SPAG16: variants seen among roughly 807,000 people sequenced by gnomAD.
SPAG16 encodes sperm associated antigen 16, also known as sperm-associated antigen 16 protein.
Under a neutral mutation model 80.4 loss-of-function variants are expected in SPAG16, and 86 were observed. That is an observed-to-expected ratio of 1.07 (90% confidence interval 0.90 to 1.28). SPAG16 has a LOEUF of 1.28. Ranked by LOEUF, SPAG16 falls within the 50% of genes most tolerant of loss-of-function variation. SPAG16 has a pLI of 0.00. For missense variants in SPAG16, 870 were observed against 765.3 expected, an observed-to-expected ratio of 1.14 and a Z score of -1.61; for synonymous variants, 294 against 265.9, an observed-to-expected ratio of 1.11 and a Z score of -1.03.
intron 10 of SPAG16, among the ~76,000 whole-genome samples, chr2:213,602,542 G>A (rs752573395): frequency 9.2e-5 from 14 of 152,174 alleles, no homozygotes; most frequent in Non-Finnish European, 1.6e-4. Flanking sequence ...GCTGAGACAG[G>A]AGACTCTCTT....
chr2:213,909,156 A>G (rs1235850056), intron 11 of SPAG16, among the ~76,000 whole-genome samples: 1 of 152,214 alleles, frequency 6.6e-6, no homozygotes, highest in African/African-American at 2.4e-5. Flanking sequence ...AATACTTAGG[A>G]ATCCAACTTA....
chr2:213,745,836 A>T (rs2067796311), intron 10 of SPAG16, among the ~76,000 whole-genome samples: 1 of 152,206 alleles, frequency 6.6e-6, no homozygotes, highest in Non-Finnish European at 1.5e-5. Context: ...AATAAAAGAG[A>T]TTATTTGAAA....
At chr2:213,484,219 T>C (rs2073880675) in intron 9 of SPAG16, among the ~76,000 whole-genome samples, 2 of 152,172 alleles carry the variant, frequency 1.3e-5, no homozygotes, top group Non-Finnish European at 2.9e-5. Flanking sequence ...ACTTGAGGAG[T>C]ACTAAATTAA....
chr2:213,529,149 AT>A (rs1039283399), intron 10 of SPAG16, among the ~76,000 whole-genome samples: 1 of 152,184 alleles, frequency 6.6e-6, no homozygotes, highest in Admixed American at 6.6e-5. Context: ...AAATTTCATT[AT>A]TTTAAGGAAT....
At chr2:214,054,222 C>T (rs778165490) in intron 13 of SPAG16, among the ~76,000 whole-genome samples, 8 of 152,138 alleles carry the variant, frequency 5.3e-5, no homozygotes, top group Non-Finnish European at 1.2e-4. Context: ...ATTGGCCAGG[C>T]TGGTCTCGAA....
At chr2:214,031,289 G>A (rs1164275317) in intron 13 of SPAG16, among the ~76,000 whole-genome samples, 1 of 151,112 alleles carries the variant, frequency 6.6e-6, no homozygotes, top group Non-Finnish European at 1.5e-5. Flanking sequence ...TCCTTTGTAG[G>A]GACATGGATG....
chr2:214,106,244 A>T (rs2053377057), intron 13 of SPAG16, among the ~76,000 whole-genome samples: 1 of 152,144 alleles, frequency 6.6e-6, no homozygotes, highest in Admixed American at 6.6e-5. Flanking sequence ...ATTAACCAAA[A>T]AATTTCTAAG....
intron 15 of SPAG16, among the ~76,000 whole-genome samples, chr2:214,200,693 C>A (rs2057984820): frequency 6.6e-6 from 1 of 151,922 alleles, no homozygotes; most frequent in African/African-American, 2.4e-5. Context: ...AACAAGATCT[C>A]ATAAAATATA....
chr2:213,815,383 A>T (rs554101806), intron 10 of SPAG16, among the ~76,000 whole-genome samples: 1 of 152,212 alleles, frequency 6.6e-6, no homozygotes, highest in Non-Finnish European at 1.5e-5. Flanking sequence ...GTCCTATACT[A>T]TGATTCTAGG....
intron 3 of SPAG16, among the ~76,000 whole-genome samples, chr2:213,303,970 A>G (rs924883066): frequency 1.3e-5 from 2 of 152,102 alleles, no homozygotes; most frequent in Non-Finnish European, 2.9e-5. Flanking sequence ...CCTGTTCTTT[A>G]TAGTGGTTGT....
chr2:213,469,197 T>C (rs2072928239), intron 9 of SPAG16, among the ~76,000 whole-genome samples: 1 of 152,100 alleles, frequency 6.6e-6, no homozygotes, highest in Admixed American at 6.5e-5. Flanking sequence ...CCTGAGATTA[T>C]ACATAATCAA....
At chr2:213,678,118 A>T (rs1484673837) in intron 10 of SPAG16, among the ~76,000 whole-genome samples, 2 of 152,174 alleles carry the variant, frequency 1.3e-5, no homozygotes, top group Non-Finnish European at 2.9e-5. Context: ...CATTCAAAGC[A>T]GTGTGTAGAG....
chr2:213,677,625 T>C (rs1044552042), intron 10 of SPAG16, among the ~76,000 whole-genome samples: 1 of 152,118 alleles, frequency 6.6e-6, no homozygotes, highest in Non-Finnish European at 1.5e-5. Flanking sequence ...AAGCAAGTCC[T>C]GAGTGATCTA....
intron 10 of SPAG16, among the ~76,000 whole-genome samples, chr2:213,718,423 T>A (rs1038291237): frequency 2.0e-5 from 3 of 152,158 alleles, no homozygotes; most frequent in African/African-American, 7.2e-5. Context: ...CCCACTGCAC[T>A]GTGGGAGCCC....
intron 12 of SPAG16, among the ~76,000 whole-genome samples, chr2:213,958,604 C>T (rs1318621368): frequency 6.6e-6 from 1 of 152,098 alleles, no homozygotes; most frequent in Non-Finnish European, 1.5e-5. Context: ...TGCTGATGTT[C>T]CAAAATTATA....
rs148194178 is a variant in SPAG16 at position 214,227,656 on chromosome 2, G to A, written c.1720+78390G>A. Among the ~76,000 whole-genome samples, 18 of 151,044 alleles carry A rather than the reference G, an allele frequency of 1.2e-4. No homozygotes were observed. In the East Asian group the frequency reaches 3.3e-3, roughly 28 times the overall value. ...GAAAATTCTAACTTCCAGTTGAGTA[G>A]CCAGGAATTTTTGCTATTAATAAAT... On this transcript the variant is annotated intron_variant, in intron 15 of 15. Transcript: ENST00000331683.
intron 10 of SPAG16, among the ~76,000 whole-genome samples, chr2:213,645,668 C>T (rs768761453): frequency 6.6e-6 from 1 of 152,106 alleles, no homozygotes; most frequent in Non-Finnish European, 1.5e-5. Context: ...TCTTCTCAAG[C>T]AAAATGGAGG....
intron 10 of SPAG16, among the ~76,000 whole-genome samples, chr2:213,834,662 A>G (rs1026819303): frequency 5.3e-5 from 8 of 152,126 alleles, no homozygotes; most frequent in Non-Finnish European, 8.8e-5. Context: ...TCTGGGGTCT[A>G]TGACATATCT....
intron 10 of SPAG16, among the ~76,000 whole-genome samples, chr2:213,688,157 A>G (rs2064774842): frequency 1.3e-5 from 2 of 152,224 alleles, no homozygotes; most frequent in African/African-American, 4.8e-5. Flanking sequence ...CTAGTTGACA[A>G]TTGGTTGAGT....
Sources: gnomAD v4.1 joint callset for allele counts (sites outside exome capture counted in the v4.1 genomes callset) on GRCh38, gnomAD v4.1.1 for gene constraint, MANE v1.5 for transcripts, NCBI Gene and HGNC (gene_info 2026-07-23, HGNC 2026-07-21) for gene names.